Variants in MKS1 observed in about 807,000 individuals in gnomAD.
MKS1 encodes tectonic-like complex member MKS1.
MKS1 carries 70 observed loss-of-function variants against 83.7 expected under a neutral mutation model. That is an observed-to-expected ratio of 0.84 (90% confidence interval 0.69 to 1.02). The LOEUF (loss-of-function observed/expected upper bound fraction) is 1.02. MKS1 is among the 50% of genes least tolerant of loss of function. The probability of loss-of-function intolerance (pLI) is 0.00; values close to 1 mark genes in which losing one functional copy is unlikely to be tolerated. For missense variants in MKS1, 681 were observed against 726.9 expected (o/e 0.94, Z 0.73); for synonymous variants, 251 against 273.4 (o/e 0.92, Z 0.81).
Position 58,213,821 on chromosome 17 carries a change from A to G in MKS1, c.693T>C (p.Asp231=), listed in dbSNP as rs777474025. 1 of 1,614,086 alleles carries G rather than the reference A, an allele frequency of 6.2e-7. No individual in the cohort carries two copies. The highest frequency in any genetic ancestry group is 2.2e-5 in the East Asian group (1 of 44,884). The change falls in exon 7 of 18, where the codon GAT becomes GAC. Residue 231 remains aspartate (D), a synonymous_variant. Coordinates refer to ENST00000393119, the MANE Select transcript of MKS1 (RefSeq NM_017777.4). ...YEHVLCTLKV[D]SNGVITVKPD... is the part of the protein sequence containing the mutation. Reference sequence around the variant, plus strand: ...GCTTTACTGTGATCACACCATTGCTATCCACCTTCAGAGTACACAGGACAT... The same window carrying G: ...GCTTTACTGTGATCACACCATTGCTGTCCACCTTCAGAGTACACAGGACAT...
At chr17:58,216,364 A>T in intron 3 of MKS1, 121 bp from the exon 4 acceptor site, 1 of 1,147,106 alleles carries the variant, frequency 8.7e-7, no homozygotes, top group Admixed American at 1.8e-5. Context: ...TGTTTTCATA[A>T]CCAACACTAA....
rs1237002420 is a variant in MKS1 at position 58,206,552 on chromosome 17, G to A, written c.1408-5C>T. ...AAAGCGGCTCAGGCGTTCCCCCTGT[G>A]GCATGCCATTGGGACAGCCTCAGGT... On this transcript the variant is annotated splice_region_variant and splice_polypyrimidine_tract_variant and intron_variant, in intron 15 of 17. Transcript: ENST00000393119. The A allele has an allele frequency of 1.9e-6, 3 of 1,611,544 alleles. No homozygotes were observed. In the African/African-American group the frequency reaches 4.0e-5, roughly 22 times the overall value.
At position 58,214,954 on chromosome 17, in the gene MKS1, C is replaced by T. The variant is rs1969106037; in HGVS notation, c.418-116G>A. The T allele has an allele frequency of 1.2e-5, 18 of 1,477,034 alleles. No homozygotes were observed. In the South Asian group the frequency reaches 1.9e-4, roughly 16 times the overall value. 91.5% of individuals were successfully genotyped at this position (1,477,034 alleles called of 1,614,324 possible). On this transcript the variant is annotated intron_variant, in intron 4 of 17. Coordinates refer to ENST00000393119, the MANE Select transcript of MKS1 (RefSeq NM_017777.4). Reference sequence around the variant, plus strand: ...TCCAGGACCTGAACCCCACAGGTTCCGCCACCTCACAATTATACATGCTAA... The same window carrying T: ...TCCAGGACCTGAACCCCACAGGTTCTGCCACCTCACAATTATACATGCTAA...
intron 9 of MKS1, 49 bp from the exon 10 acceptor site, chr17:58,211,071 G>A (rs751394889): frequency 6.3e-7 from 1 of 1,588,670 alleles, no homozygotes; most frequent in Admixed American, 1.7e-5. Flanking sequence ...GAGGGAATTG[G>A]CACTTCTCCT....
chr17:58,217,338 A>C (rs1172533185), intron 2 of MKS1, among the ~76,000 whole-genome samples: 1 of 152,224 alleles, frequency 6.6e-6, no homozygotes, highest in Non-Finnish European at 1.5e-5. Context: ...TGAAATTTAG[A>C]TATAAGCTGA....
At chr17:58,214,547 C>T (rs1296621209) in intron 5 of MKS1, among the ~76,000 whole-genome samples, 160 bp from the exon 6 acceptor site, 1 of 152,170 alleles carries the variant, frequency 6.6e-6, no homozygotes, top group Non-Finnish European at 1.5e-5. Context: ...CATCCCTTCC[C>T]TCTCTCTGAG....
At chr17:58,211,211 T>C (rs1186271522) in intron 9 of MKS1, 189 bp from the exon 10 acceptor site, 1 of 617,146 alleles carries the variant, frequency 1.6e-6, no homozygotes, top group African/African-American at 1.8e-5. Context: ...ATTCACAATG[T>C]AGGGGGAAAG....
At chr17:58,213,263 G>C (rs1435285317) in intron 7 of MKS1, among the ~76,000 whole-genome samples, 173 bp from the exon 8 acceptor site, 1 of 152,192 alleles carries the variant, frequency 6.6e-6, no homozygotes, top group Admixed American at 6.6e-5. Flanking sequence ...AAAGCAGAGA[G>C]GGCACCAGAC....
intron 5 of MKS1, 104 bp from the exon 6 acceptor site, chr17:58,214,491 TTTG>T: frequency 1.9e-6 from 3 of 1,551,770 alleles, no homozygotes; most frequent in Non-Finnish European, 1.8e-6. Flanking sequence ...GACATACTGT[TTTG>T]TTTTGTTTTT....
intron 4 of MKS1, chr17:58,215,812 A>G: frequency 2.3e-6 from 1 of 440,004 alleles, no homozygotes; most frequent in Non-Finnish European, 4.2e-6. Context: ...CCCAGTGGTT[A>G]CTTCTCCCAG....
At chr17:58,215,336 T>G (rs923544342) in intron 4 of MKS1, among the ~76,000 whole-genome samples, 1 of 152,202 alleles carries the variant, frequency 6.6e-6, no homozygotes, top group Non-Finnish European at 1.5e-5. Context: ...CATAGCTCAC[T>G]GCAACCTTGA....
intron 10 of MKS1, 21 bp from the exon 11 acceptor site, chr17:58,210,745 C>T (rs1272790846): frequency 3.1e-6 from 5 of 1,612,884 alleles, no homozygotes; most frequent in South Asian, 1.1e-5. Context: ...AAACAGGAAG[C>T]TATTTTAGCT....
chr17:58,212,502 G>T, intron 8 of MKS1, 68 bp from the exon 9 acceptor site: 1 of 1,546,112 alleles, frequency 6.5e-7, no homozygotes, highest in Non-Finnish European at 8.9e-7. Context: ...GTTCTGAATG[G>T]GAAGAAGAAA....
chr17:58,214,416 C>T, intron 5 of MKS1, 29 bp from the exon 6 acceptor site: 2 of 1,612,256 alleles, frequency 1.2e-6, no homozygotes, highest in Non-Finnish European at 1.7e-6. Flanking sequence ...AGGTCACTTC[C>T]CTGGCACACC....
Position 58,206,165 on chromosome 17 carries a change from A to C in MKS1, c.1594T>G (p.Phe532Val). The change falls in exon 18 of 18, where the codon TTC becomes GTC. Residue 532 changes from phenylalanine to valine, a missense_variant. Phe to Val is a conservative substitution (Grantham distance 50). Transcript: ENST00000393119. ...QSSIHNVLEA[F>V]RRARRRMQEA... ...TGCATGCGGCGCCGGGCTCGACGGA[A>C]GGCCTCTGTAAGGAAAGGAGATATG... The C allele has an allele frequency of 6.2e-7, 1 of 1,614,030 alleles. No homozygotes were observed. Among genetic ancestry groups the C allele is most frequent in the Non-Finnish European group, 8.5e-7 (1 of 1,179,968 alleles).
In MKS1 at chr17:58,205,821, C is replaced by G; in HGVS notation, c.*258G>C. The G allele has an allele frequency of 6.9e-7, 1 of 1,443,052 alleles. No individual in the cohort carries two copies. The highest frequency in any genetic ancestry group is 9.1e-7 in the Non-Finnish European group (1 of 1,093,808). 89.4% of individuals were successfully genotyped at this position (1,443,052 alleles called of 1,614,324 possible). On this transcript the variant is annotated 3_prime_UTR_variant, in exon 18 of 18. Transcript: ENST00000393119. ...CCCCAAACAGCTTCAGATCAAAAAG[C>G]CTGCCTTGCTGTGATGCCCATTGAC...
At chr17:58,207,632 A>G (rs1968600774) in intron 14 of MKS1, 3 of 578,886 alleles carry the variant, frequency 5.2e-6, no homozygotes, top group Admixed American at 2.9e-5. Context: ...CTATGAGCCA[A>G]TTTTGCCATA....
chr17:58,217,784 CAGA>C (rs1197757101), intron 2 of MKS1, among the ~76,000 whole-genome samples: 2 of 152,178 alleles, frequency 1.3e-5, no homozygotes, highest in Admixed American at 1.3e-4. Context: ...CCAGCCTGAG[CAGA>C]AGAATGAGAT....
At chr17:58,211,599 G>C (rs556629346) in intron 9 of MKS1, among the ~76,000 whole-genome samples, 1 of 152,186 alleles carries the variant, frequency 6.6e-6, no homozygotes, top group African/African-American at 2.4e-5. Context: ...GTCTTGATCT[G>C]TTGTCCAGGC....
Sources: allele counts gnomAD v4.1 joint callset (sites outside exome capture counted in the v4.1 genomes callset), GRCh38; gene constraint gnomAD v4.1.1; transcripts MANE v1.5; gene names NCBI Gene and HGNC (gene_info 2026-07-23, HGNC 2026-07-21).